PDLIM5: variants seen among roughly 807,000 people sequenced by gnomAD.
The protein encoded by PDLIM5 is PDZ and LIM domain 5.
Under a neutral mutation model 64.2 loss-of-function variants are expected in PDLIM5, and 34 were observed. The observed-to-expected ratio is 0.53, with a 90% CI of 0.40 to 0.71. The LOEUF is 0.71. Ranked by LOEUF, PDLIM5 falls within the 30% of genes least tolerant of loss-of-function variation. PDLIM5 has a pLI of 0.00. For missense variants in PDLIM5, 683 were observed against 733.6 expected (o/e 0.93, Z 0.80); for synonymous variants, 253 against 269.1 (o/e 0.94, Z 0.59).
intron 2 of PDLIM5, among the ~76,000 whole-genome samples, chr4:94,473,162 C>T (rs900497920): frequency 2.0e-5 from 3 of 152,172 alleles, no homozygotes; most frequent in African/African-American, 7.2e-5. Flanking sequence ...GGGTAAAGAC[C>T]TTGAGGTGAG....
intron 9 of PDLIM5, among the ~76,000 whole-genome samples, chr4:94,647,906 A>C (rs1741544385): frequency 6.6e-6 from 1 of 152,216 alleles, no homozygotes; most frequent in African/African-American, 2.4e-5. Flanking sequence ...CACATTCCTT[A>C]AACAACCAGT....
Position 94,522,316 on chromosome 4 carries a change from G to GT in PDLIM5, c.97-1399dup, listed in dbSNP as rs557745239. Among the ~76,000 whole-genome samples, 74 of 151,600 alleles carry GT rather than the reference G, an allele frequency of 4.9e-4. 1 individual carries two copies. The highest frequency in any genetic ancestry group is 6.8e-3 in the Middle Eastern group (2 of 292). ...TTTAAATGTTTTCTAAAATCATTAG[G>GT]TTTTTTTTTAAACTGTGATAAAATA... On this transcript the variant is annotated intron_variant, in intron 2 of 12. Transcript: ENST00000317968.
chr4:94,548,348 A>T (rs1219967733), intron 3 of PDLIM5, among the ~76,000 whole-genome samples: 1 of 152,162 alleles, frequency 6.6e-6, no homozygotes, highest in African/African-American at 2.4e-5. Flanking sequence ...TTGTCCTGAC[A>T]TTTTTATAAA....
intron 3 of PDLIM5, among the ~76,000 whole-genome samples, chr4:94,527,310 C>T (rs1169760766): frequency 2.0e-5 from 3 of 152,020 alleles, no homozygotes; most frequent in Non-Finnish European, 4.4e-5. Context: ...CCGCCTTGTC[C>T]TCCCAAAGTG....
intron 2 of PDLIM5, among the ~76,000 whole-genome samples, chr4:94,469,735 G>C (rs1560635759): frequency 6.6e-6 from 1 of 152,042 alleles, no homozygotes; most frequent in East Asian, 1.9e-4. Flanking sequence ...CTCCAGGCTG[G>C]TATGTTTCAT....
chr4:94,644,793 G>A (rs1043806659), intron 9 of PDLIM5, among the ~76,000 whole-genome samples: 6 of 151,740 alleles, frequency 4.0e-5, no homozygotes, highest in Non-Finnish European at 8.8e-5. Flanking sequence ...CACCTGCCTC[G>A]GCCTCCCAAA....
At chr4:94,602,523 G>A (rs1737585500) in intron 7 of PDLIM5, among the ~76,000 whole-genome samples, 1 of 151,932 alleles carries the variant, frequency 6.6e-6, no homozygotes, top group Non-Finnish European at 1.5e-5. Flanking sequence ...CAGGATCTTG[G>A]CTCACTGCAA....
At chr4:94,622,514 G>A (rs1252801912) in intron 8 of PDLIM5, among the ~76,000 whole-genome samples, 1 of 152,134 alleles carries the variant, frequency 6.6e-6, no homozygotes, top group Non-Finnish European at 1.5e-5. Flanking sequence ...ATCTGGACCC[G>A]TTGTTCATTG....
At chr4:94,557,386 T>C (rs980488346) in intron 3 of PDLIM5, among the ~76,000 whole-genome samples, 9 of 152,098 alleles carry the variant, frequency 5.9e-5, no homozygotes, top group African/African-American at 9.7e-5. Context: ...CTTGGCAATG[T>C]GGGCTGTTTT....
chr4:94,608,296 T>C (rs1738090835), intron 7 of PDLIM5: 3 of 515,200 alleles, frequency 5.8e-6, no homozygotes, highest in South Asian at 4.3e-5. Context: ...CATTAACCTA[T>C]AGACAAGAAA....
intron 7 of PDLIM5, among the ~76,000 whole-genome samples, chr4:94,598,573 G>A (rs1314409878): frequency 6.6e-6 from 1 of 152,000 alleles, no homozygotes; most frequent in Non-Finnish European, 1.5e-5. Flanking sequence ...AGTGGCCCCT[G>A]CTCATGTTTA....
At chr4:94,618,887 G>A (rs1250477579) in intron 8 of PDLIM5, among the ~76,000 whole-genome samples, 4 of 152,086 alleles carry the variant, frequency 2.6e-5, no homozygotes, top group Non-Finnish European at 4.4e-5. Context: ...CAGGAAAATG[G>A]GACTGTACTT....
intron 9 of PDLIM5, among the ~76,000 whole-genome samples, chr4:94,650,351 A>T (rs1741747174): frequency 6.6e-6 from 1 of 152,230 alleles, no homozygotes. Context: ...AAATACAAAA[A>T]CATAAAAGTG....
At chr4:94,509,402 A>AT (rs771173920) in intron 2 of PDLIM5, among the ~76,000 whole-genome samples, 2 of 151,788 alleles carry the variant, frequency 1.3e-5, no homozygotes, top group Non-Finnish European at 2.9e-5. Flanking sequence ...TTATTTGTTG[A>AT]TTTTCTCTTT....
intron 4 of PDLIM5, among the ~76,000 whole-genome samples, chr4:94,574,075 A>G (rs2110280150): frequency 6.6e-6 from 1 of 152,332 alleles, no homozygotes; most frequent in East Asian, 1.9e-4. Flanking sequence ...CAAAGATTCA[A>G]AAATCTGAGA....
chr4:94,497,863 G>A (rs1727544979), intron 2 of PDLIM5, among the ~76,000 whole-genome samples: 1 of 152,196 alleles, frequency 6.6e-6, no homozygotes, highest in Admixed American at 6.5e-5. Flanking sequence ...TGAATGGGTA[G>A]CTACGTGCTG....
intron 3 of PDLIM5, among the ~76,000 whole-genome samples, chr4:94,569,157 G>T (rs1286956426): frequency 6.6e-6 from 1 of 152,196 alleles, no homozygotes; most frequent in East Asian, 1.9e-4. Flanking sequence ...AGTTAGAAGA[G>T]AGGGTGATAC....
At chr4:94,454,010 A>G (rs748468650) in intron 1 of PDLIM5, among the ~76,000 whole-genome samples, 2 of 152,158 alleles carry the variant, frequency 1.3e-5, no homozygotes, top group East Asian at 1.9e-4. Flanking sequence ...TTTTCCCTTT[A>G]TGAGAAGAAG....
intron 9 of PDLIM5, among the ~76,000 whole-genome samples, chr4:94,648,733 C>T (rs1336751159): frequency 3.3e-5 from 5 of 152,188 alleles, no homozygotes; most frequent in East Asian, 1.9e-4. Flanking sequence ...TCCAAGCCCA[C>T]GCAGGTTGTT....
Sources: gnomAD v4.1 joint callset for allele counts (sites outside exome capture counted in the v4.1 genomes callset) on GRCh38, gnomAD v4.1.1 for gene constraint, MANE v1.5 for transcripts, NCBI Gene and HGNC (gene_info 2026-07-23, HGNC 2026-07-21) for gene names.